Variants in STAT1 observed in about 807,000 individuals in gnomAD.
STAT1 encodes the protein signal transducer and activator of transcription 1-alpha/beta.
STAT1 carries 24 observed loss-of-function variants against 111.7 expected under a neutral mutation model. The ratio of observed to expected loss-of-function variants is 0.21; its 90% confidence interval spans 0.16 to 0.30. The LOEUF is 0.30. STAT1 is among the 10% of genes least tolerant of loss of function. The probability of loss-of-function intolerance (pLI) is 1.00; values close to 1 mark genes in which losing one functional copy is unlikely to be tolerated. For missense variants in STAT1, 351 were observed against 911.9 expected, an observed-to-expected ratio of 0.38 and a Z score of 7.92; for synonymous variants, 332 against 326.5, an observed-to-expected ratio of 1.02 and a Z score of -0.18.
rs74324083 is a variant in STAT1 at position 190,971,748 on chromosome 2, T to C, written c.2239-1031A>G. 2.1e-3 allele frequency among the ~76,000 whole-genome samples: 323 copies of C among 152,168 alleles called. 2 individuals carry two copies. Among genetic ancestry groups the C allele is most frequent in the African/African-American group, 7.1e-3 (296 of 41,496 alleles). On this transcript the variant is annotated intron_variant, in intron 24 of 24. Transcript: ENST00000361099. This position sits in a 1 kb window ranked among gnomAD's most constrained non-coding sequence, Gnocchi z 4.1. ...TCAAATTGGAGACGGAGTCTTCCTCTGTTGCCCAGACTGGAGTGCAGTGGC... is the reference window on the plus strand; with the variant it reads ...TCAAATTGGAGACGGAGTCTTCCTCCGTTGCCCAGACTGGAGTGCAGTGGC...
rs992907414 is a variant in STAT1 at position 191,003,995 on chromosome 2, T to A, written c.373-2832A>T. ...ACATCCCCAGCTTCTACATCCCCTT[T>A]CTACTGACTTGCTGGGAGATGCTTG... On this transcript the variant is annotated intron_variant, in intron 5 of 24. Transcript: ENST00000361099. The surrounding 1 kb of genome is among the most constrained non-coding windows in gnomAD (Gnocchi z 4.0). Among the ~76,000 whole-genome samples, 2 of 152,174 alleles carry A rather than the reference T, an allele frequency of 1.3e-5. No individual in the cohort carries two copies. Among genetic ancestry groups the A allele is most frequent in the Non-Finnish European group, 2.9e-5 (2 of 68,026 alleles).
chr2:190,975,781 G>C lies in STAT1; in HGVS notation c.2135+31C>G. ...CAGGAGCAAGGCTGGCTTGAGGTTT[G>C]TAAACATGTCACTCTTCTGTGTTCA... On this transcript the variant is annotated intron_variant, in intron 23 of 24. Transcript: ENST00000361099. The surrounding 1 kb of genome is among the most constrained non-coding windows in gnomAD (Gnocchi z 5.9). 6.2e-7 allele frequency: 1 copy of C among 1,613,912 alleles called. No homozygotes were observed. Among genetic ancestry groups the C allele is most frequent in the South Asian group, 1.1e-5 (1 of 91,034 alleles).
In STAT1 at chr2:190,980,565, A is replaced by G; in HGVS notation, c.1632+55T>C. On this transcript the variant is annotated intron_variant, in intron 19 of 24. Coordinates refer to ENST00000361099, the MANE Select transcript of STAT1 (RefSeq NM_007315.4). This position sits in a 1 kb window ranked among gnomAD's most constrained non-coding sequence, Gnocchi z 6.1. ...AACTATCACAGCAAGAAACATGAGAACCTCAACCAAGAGCAAAAAGGACTT... is the reference window on the plus strand; with the variant it reads ...AACTATCACAGCAAGAAACATGAGAGCCTCAACCAAGAGCAAAAAGGACTT... 6.4e-7 allele frequency: 1 copy of G among 1,574,226 alleles called. No individual in the cohort carries two copies. Among genetic ancestry groups the G allele is most frequent in the Non-Finnish European group, 8.7e-7 (1 of 1,143,482 alleles).
At position 190,975,799 on chromosome 2, in the gene STAT1, T is replaced by C. The variant is rs1442310621; in HGVS notation, c.2135+13A>G. On this transcript the variant is annotated intron_variant, in intron 23 of 24. Transcript: ENST00000361099. The surrounding 1 kb of genome is among the most constrained non-coding windows in gnomAD (Gnocchi z 5.9). ...GAGGTTTGTAAACATGTCACTCTTC[T>C]GTGTTCACTTACACTTCAGACACAG... The C allele has an allele frequency of 1.2e-6, 2 of 1,614,038 alleles. No individual in the cohort carries two copies. The highest frequency in any genetic ancestry group is 2.7e-5 in the African/African-American group (2 of 74,926).
intron 10 of STAT1, among the ~76,000 whole-genome samples, chr2:190,994,111 T>C (rs974140485): frequency 6.6e-6 from 1 of 152,132 alleles, no homozygotes; most frequent in African/African-American, 2.4e-5. Flanking sequence ...TTCGGGATGA[T>C]ACAATTTTGA....
In STAT1 at chr2:191,007,775, C is replaced by T. The variant is rs1345250785; in HGVS notation, c.274-114G>A. ...TTCTCCGGGAAACCTCATCTCTCAT[C>T]TATTAAATTCTATATAAGCTATGTT... On this transcript the variant is annotated intron_variant, in intron 4 of 24. Coordinates refer to ENST00000361099, the MANE Select transcript of STAT1 (RefSeq NM_007315.4). The surrounding 1 kb of genome is among the most constrained non-coding windows in gnomAD (Gnocchi z 4.2). 3 of 741,396 alleles carry T rather than the reference C, an allele frequency of 4.0e-6. No homozygotes were observed. The highest frequency in any genetic ancestry group is 2.2e-5 in the Admixed American group (1 of 46,118). The allele number at this position is 741,396 out of a possible 1,614,324, so 45.9% of individuals were successfully genotyped here.
At chr2:191,013,974 C>T (rs932629554) in intron 1 of STAT1, 44 bp downstream of exon 1, 53 of 266,984 alleles carry the variant, frequency 2.0e-4, no homozygotes, top group African/African-American at 1.1e-3. Flanking sequence ...GACTCTGTCC[C>T]TGCGCGTCCC....
rs1279703917 is a variant in STAT1, at chr2:190,987,283, G to GTT, written c.1098-216_1098-215insAA. Among the ~76,000 whole-genome samples the GTT allele has an allele frequency of 1.3e-5, 2 of 152,144 alleles. No individual in the cohort carries two copies. The highest frequency in any genetic ancestry group is 4.8e-5 in the African/African-American group (2 of 41,414). On this transcript the variant is annotated intron_variant, in intron 12 of 24. Transcript: ENST00000361099. The surrounding 1 kb of genome is among the most constrained non-coding windows in gnomAD (Gnocchi z 4.0). Reference sequence around the variant, plus strand: ...ACTGAATGACCTTTGGCAAATAAATGGTCTGGGCCTTACATTGTTCATTTG... The same window carrying GTT: ...ACTGAATGACCTTTGGCAAATAAATGTTGTCTGGGCCTTACATTGTTCATTTG...
chr2:191,005,931 A>G (rs572521021), intron 5 of STAT1, among the ~76,000 whole-genome samples: 1 of 152,302 alleles, frequency 6.6e-6, no homozygotes. Flanking sequence ...GCTCAAAACA[A>G]TCCCCAGATT....
At position 190,998,522 on chromosome 2, in the gene STAT1, C is replaced by A. The variant is rs41454144; in HGVS notation, c.542-214G>T. Among the ~76,000 whole-genome samples the A allele has an allele frequency of 6.6e-6, 1 of 151,872 alleles. No individual in the cohort carries two copies. The highest frequency in any genetic ancestry group is 2.1e-4 in the South Asian group (1 of 4,818). Reference sequence around the variant, plus strand: ...TACTTGTTTTCAAAAATTAGCCGGGCGCAGTGGCAGACGCCTGTAGTCCCA... The same window carrying A: ...TACTTGTTTTCAAAAATTAGCCGGGAGCAGTGGCAGACGCCTGTAGTCCCA... On this transcript the variant is annotated intron_variant, in intron 7 of 24. Transcript: ENST00000361099. This position sits in a 1 kb window ranked among gnomAD's most constrained non-coding sequence, Gnocchi z 4.1.
Position 191,004,426 on chromosome 2 carries a change from T to C in STAT1, c.372+3137A>G, listed in dbSNP as rs531460339. ...AAAAGTCTTCTGCTCAGGAAGGGGG[T>C]CCTTTCCAATGGAGTGAGCAGTTGT... is the stretch of plus-strand genomic sequence containing the variant. On this transcript the variant is annotated intron_variant, in intron 5 of 24. Coordinates refer to ENST00000361099, the MANE Select transcript of STAT1 (RefSeq NM_007315.4). This position sits in a 1 kb window ranked among gnomAD's most constrained non-coding sequence, Gnocchi z 5.0. Among the ~76,000 whole-genome samples the C allele has an allele frequency of 6.6e-6, 1 of 152,190 alleles. No homozygotes were observed. Among genetic ancestry groups the C allele is most frequent in the East Asian group, 1.9e-4 (1 of 5,178 alleles).
Position 190,977,385 on chromosome 2 carries a change from CA to C in STAT1, c.1874-361del, listed in dbSNP as rs753848740. ...AAGTGGATCATCTTGGCTTAAGCCACAGATTTAAATTACTAGAGATAAACTC... is the reference window on the plus strand; with the variant it reads ...AAGTGGATCATCTTGGCTTAAGCCACGATTTAAATTACTAGAGATAAACTC... On this transcript the variant is annotated intron_variant, in intron 21 of 24. Coordinates refer to ENST00000361099, the MANE Select transcript of STAT1 (RefSeq NM_007315.4). This position sits in a 1 kb window ranked among gnomAD's most constrained non-coding sequence, Gnocchi z 4.7. 1.3e-5 allele frequency among the ~76,000 whole-genome samples: 2 copies of C among 152,206 alleles called. No individual in the cohort carries two copies. The highest frequency in any genetic ancestry group is 2.4e-5 in the African/African-American group (1 of 41,464).
In STAT1 at chr2:190,970,608, C is replaced by G; in HGVS notation, c.*95G>C. 7.0e-7 allele frequency: 1 copy of G among 1,431,016 alleles called. No homozygotes were observed. The highest frequency in any genetic ancestry group is 9.8e-7 in the Non-Finnish European group (1 of 1,016,148). 88.6% of individuals were successfully genotyped at this position (1,431,016 alleles called of 1,614,324 possible). On this transcript the variant is annotated 3_prime_UTR_variant, in exon 25 of 25. Coordinates refer to ENST00000361099, the MANE Select transcript of STAT1 (RefSeq NM_007315.4). The surrounding 1 kb of genome is among the most constrained non-coding windows in gnomAD (Gnocchi z 5.4). ...AATTTGCTGGCCTTTCTTTCATTTC[C>G]CTAGAAACACAGGATGTGAAGGAAC... is the stretch of plus-strand genomic sequence containing the variant.
chr2:191,000,203 T>C lies in STAT1; in HGVS notation c.463-499A>G, dbSNP rs936442378. On this transcript the variant is annotated intron_variant, in intron 6 of 24. Coordinates refer to ENST00000361099, the MANE Select transcript of STAT1 (RefSeq NM_007315.4). This position sits in a 1 kb window ranked among gnomAD's most constrained non-coding sequence, Gnocchi z 4.8. Reference sequence around the variant, plus strand: ...AATGCATCTCCATCTGGACAATAAATTGTATGTTCATTCTACAAATAAGCC... The same window carrying C: ...AATGCATCTCCATCTGGACAATAAACTGTATGTTCATTCTACAAATAAGCC... Among the ~76,000 whole-genome samples the C allele has an allele frequency of 6.6e-6, 1 of 152,232 alleles. No individual in the cohort carries two copies. Among genetic ancestry groups the C allele is most frequent in the Non-Finnish European group, 1.5e-5 (1 of 68,036 alleles).
intron 12 of STAT1, among the ~76,000 whole-genome samples, chr2:190,988,693 T>C (rs4853535): frequency 0.035 from 5,281 of 152,232 alleles, 202 homozygotes; most frequent in Admixed American, 0.12. Flanking sequence ...CACTAAGTTT[T>C]GGGAGTGGTT....
intron 5 of STAT1, among the ~76,000 whole-genome samples, chr2:191,002,355 C>G (rs901900642): frequency 6.6e-6 from 1 of 152,142 alleles, no homozygotes. Flanking sequence ...CTAGATTTTT[C>G]TCTTCTTTCC....
At chr2:191,002,128 C>T (rs1469076782) in intron 5 of STAT1, among the ~76,000 whole-genome samples, 6 of 152,180 alleles carry the variant, frequency 3.9e-5, no homozygotes, top group African/African-American at 1.2e-4. Context: ...CTAGCACTTG[C>T]AAGGTTTCCT....
At chr2:191,011,715 C>T (rs1193163117) in intron 2 of STAT1, among the ~76,000 whole-genome samples, 1 of 152,184 alleles carries the variant, frequency 6.6e-6, no homozygotes, top group Non-Finnish European at 1.5e-5. Context: ...CTCATGACAT[C>T]TGATGGTTTT....
rs12693591 is a variant in STAT1 at position 190,995,776 on chromosome 2, C to A, written c.786-557G>T. 0.23 allele frequency among the ~76,000 whole-genome samples: 35,089 copies of A among 152,112 alleles called. 5,518 individuals are homozygous for A. The highest frequency in any genetic ancestry group is 0.44 in the African/African-American group (18,135 of 41,418). The stretch of plus-strand genomic sequence containing the variant: ...TAGAAGCTTTGTTATTTGAGGAGTA[C>A]AACTAACATGCACTGAATGATTACA... On this transcript the variant is annotated intron_variant, in intron 9 of 24. Transcript: ENST00000361099. This position sits in a 1 kb window ranked among gnomAD's most constrained non-coding sequence, Gnocchi z 4.2.
Sources: gnomAD v4.1 joint callset for allele counts (sites outside exome capture counted in the v4.1 genomes callset) on GRCh38, gnomAD v4.1.1 for gene constraint, Gnocchi (gnomAD v3.1) non-coding constraint, MANE v1.5 for transcripts, NCBI Gene and HGNC (gene_info 2026-07-23, HGNC 2026-07-21) for gene names.